Variants in TFAP2A observed in about 807,000 individuals in gnomAD.
TFAP2A encodes transcription factor AP-2 alpha, also known as transcription factor AP-2-alpha.
In TFAP2A, 7 loss-of-function variants were observed where a neutral mutation model predicts 41.5. The ratio of observed to expected loss-of-function variants is 0.17; its 90% CI spans 0.10 to 0.32. The LOEUF (loss-of-function observed/expected upper bound fraction) is 0.32, where lower values mean the gene tolerates loss of function less well. Ranked by LOEUF, TFAP2A falls within the 10% of genes least tolerant of loss-of-function variation. TFAP2A has a pLI of 1.00. For synonymous variants in TFAP2A, 247 were observed against 242.8 expected (o/e 1.02, Z -0.16); for missense variants, 416 against 563.3 (o/e 0.74, Z 2.65).
upstream of TFAP2A, chr6:10,415,294 C>T: frequency 1.4e-6 from 2 of 1,388,460 alleles, no homozygotes; most frequent in East Asian, 2.8e-5. Context: ...CAGCTCTTTA[C>T]CAACAGCCTA....
At chr6:10,399,088 T>C (rs1761906021) in intron 6 of TFAP2A, among the ~76,000 whole-genome samples, 1 of 152,178 alleles carries the variant, frequency 6.6e-6, no homozygotes, top group East Asian at 1.9e-4. Flanking sequence ...TTGCGAACAT[T>C]ATGCTGCAGC....
chr6:10,414,829 A>G, intron 1 of TFAP2A, 112 bp downstream of exon 1: 1 of 1,431,594 alleles, frequency 7.0e-7, no homozygotes, highest in South Asian at 1.1e-5. Context: ...TGCGCTGGGG[A>G]AAGTTTGTCC....
intron 1 of TFAP2A, chr6:10,414,457 G>A (rs1028629920): frequency 3.7e-6 from 1 of 270,488 alleles, no homozygotes; most frequent in Non-Finnish European, 7.2e-6. Flanking sequence ...GGGGGTGGGG[G>A]GAAGAAAGAA....
At chr6:10,410,946 T>G (rs1757934393) in intron 1 of TFAP2A, 1 of 158,246 alleles carries the variant, frequency 6.3e-6, no homozygotes, top group Non-Finnish European at 1.4e-5. Context: ...AGAGTCGATT[T>G]ATGGTTTGGA....
rs767620545 is a variant in TFAP2A at position 10,398,859 on chromosome 6, CAT to C, written c.1032-156_1032-155del. On this transcript the variant is annotated intron_variant, in intron 6 of 6. Transcript: ENST00000379613. The surrounding 1 kb of genome is among the most constrained non-coding windows in gnomAD (Gnocchi z 5.3). ...ACCCCAGAGACAGACAGTGTGGCCACATGTTGGGAGATCCAGCCACCTTTCAG... is the reference window on the plus strand; with the variant it reads ...ACCCCAGAGACAGACAGTGTGGCCACGTTGGGAGATCCAGCCACCTTTCAG... Among the ~76,000 whole-genome samples the C allele has an allele frequency of 2.0e-5, 3 of 152,170 alleles. No homozygotes were observed. Among genetic ancestry groups the C allele is most frequent in the Non-Finnish European group, 4.4e-5 (3 of 68,012 alleles).
At chr6:10,406,900 A>T in intron 2 of TFAP2A, 56 bp from the exon 3 acceptor site, 5 of 1,380,110 alleles carry the variant, frequency 3.6e-6, no homozygotes, top group Non-Finnish European at 5.2e-6. Flanking sequence ...AAAGGAAATG[A>T]ATATTCCCTG....
At chr6:10,407,019 CAA>C in intron 2 of TFAP2A, 175 bp from the exon 3 acceptor site, 1 of 650,640 alleles carries the variant, frequency 1.5e-6, no homozygotes, top group Non-Finnish European at 2.8e-6. Context: ...CTTTGCAACT[CAA>C]GAGGTTTCAC....
In TFAP2A at chr6:10,409,907, C is replaced by A. The variant is rs766548263; in HGVS notation, c.480G>T (p.Glu160Asp). 1 of 1,548,508 alleles carries A rather than the reference C, an allele frequency of 6.5e-7. No individual in the cohort carries two copies. Among genetic ancestry groups the A allele is most frequent in the Non-Finnish European group, 8.7e-7 (1 of 1,144,746 alleles). Residue 160 changes from glutamate to aspartate, a missense_variant, in exon 2 of 7, where the codon GAG becomes GAT. Around this residue, in one of 3 missense-constraint regions of TFAP2A, gnomAD observed 241 missense variants for 274.1 expected, o/e 0.88. Transcript: ENST00000379613. ...SIHSLPHAIE[E>D]VPHVEDPGIN... is the part of the protein sequence containing the mutation. The stretch of plus-strand genomic sequence containing the variant: ...TGGTTGCGCGGCCTCTTACCGGGAC[C>A]TCCTCGATGGCGTGAGGTAAGGAGT...
intron 6 of TFAP2A, among the ~76,000 whole-genome samples, chr6:10,399,516 T>G (rs1036341883): frequency 2.6e-5 from 4 of 152,184 alleles, no homozygotes; most frequent in African/African-American, 9.7e-5. Context: ...TGTCTCTGAA[T>G]CTGGGAAGCA....
At chr6:10,409,008 T>A (rs2113198947) in intron 2 of TFAP2A, 1 of 152,384 alleles carries the variant, frequency 6.6e-6, no homozygotes. Flanking sequence ...ATTATTGGCT[T>A]GCTCTAATTC....
In TFAP2A at chr6:10,400,462, C is replaced by T; in HGVS notation, c.1017G>A (p.Met339Ile). 1 of 1,614,174 alleles carries T rather than the reference C, an allele frequency of 6.2e-7. No homozygotes were observed. Among genetic ancestry groups the T allele is most frequent in the Non-Finnish European group, 8.5e-7 (1 of 1,180,042 alleles). ...AAATGCCTTACTTTGTAGCCAGGAG[C>T]ATGTTTTTTCTTGTCACTTGCTCAT... ...DPNEQVTRKN[M>I]LLATKQICKE... is the part of the protein sequence containing the mutation. Residue 339 changes from methionine to isoleucine, a missense_variant, in exon 6 of 7, where the codon ATG becomes ATA. Coordinates refer to ENST00000379613, the MANE Select transcript of TFAP2A (RefSeq NM_001372066.1).
In TFAP2A at chr6:10,415,026, C is replaced by A. The variant is rs753148250; in HGVS notation, c.-35G>T. 6.2e-7 allele frequency: 1 copy of A among 1,614,070 alleles called. No homozygotes were observed. The highest frequency in any genetic ancestry group is 1.7e-5 in the Admixed American group (1 of 60,014). ...TGAACGGATATGCCCCTCTCGGTCT[C>A]GCACCCAAGTGGAGCTACTCTCTGG... On this transcript the variant is annotated 5_prime_UTR_variant, in exon 1 of 7. Transcript: ENST00000379613.
At chr6:10,402,382 A>G (rs1293260831) in intron 5 of TFAP2A, 110 bp downstream of exon 5, 1 of 862,440 alleles carries the variant, frequency 1.2e-6, no homozygotes, top group Non-Finnish European at 2.0e-6. Context: ...TATTCTCTGC[A>G]AAGATGAAAC....
At chr6:10,418,311 A>C (rs1181417360), upstream of TFAP2A, 1 of 152,246 alleles carries the variant, frequency 6.6e-6, no homozygotes, top group Non-Finnish European at 1.5e-5. Flanking sequence ...ACTTCTCAGA[A>C]CTTTACTTTT....
intron 1 of TFAP2A, among the ~76,000 whole-genome samples, 194 bp from the exon 2 acceptor site, chr6:10,410,529 T>G (rs1211087973): frequency 6.6e-6 from 1 of 152,074 alleles, no homozygotes; most frequent in East Asian, 1.9e-4. Context: ...GCAGAGAAAC[T>G]GTATATGGAG....
rs1758179597 is a variant in TFAP2A at position 10,414,925 on chromosome 6, C to T, written c.51+16G>A. The stretch of plus-strand genomic sequence containing the variant: ...GCCTGTGACCGCACGGATGATCGAG[C>T]CGGCGTCGCGCTTACCTCGCAGTCC... On this transcript the variant is annotated intron_variant, in intron 1 of 6. Coordinates refer to ENST00000379613, the MANE Select transcript of TFAP2A (RefSeq NM_001372066.1). 1.2e-6 allele frequency: 2 copies of T among 1,613,644 alleles called. No homozygotes were observed. The highest frequency in any genetic ancestry group is 1.7e-6 in the Non-Finnish European group (2 of 1,179,904).
upstream of TFAP2A, chr6:10,415,134 G>A: frequency 1.3e-6 from 2 of 1,561,690 alleles, no homozygotes; most frequent in East Asian, 4.7e-5. Context: ...GAAGGAGGAG[G>A]GAGAGGAGGA....
chr6:10,415,099 A>G (rs1758189627), upstream of TFAP2A: 1 of 1,579,444 alleles, frequency 6.3e-7, no homozygotes. Flanking sequence ...GAGGAGGAGG[A>G]GGAGGGAGAG....
chr6:10,419,546 T>C (rs1758358240), upstream of TFAP2A: 2 of 1,478,732 alleles, frequency 1.4e-6, no homozygotes, highest in East Asian at 4.5e-5. Context: ...AAATCCTCCT[T>C]TTTTACCTGC....
Sources: gnomAD v4.1 joint callset for allele counts (sites outside exome capture counted in the v4.1 genomes callset) on GRCh38, gnomAD v4.1.1 for gene constraint, gnomAD v4.1.1 regional missense constraint, Gnocchi (gnomAD v3.1) non-coding constraint, MANE v1.5 for transcripts, NCBI Gene and HGNC (gene_info 2026-07-23, HGNC 2026-07-21) for gene names.